ALKBH3: variants seen among roughly 807,000 people sequenced by gnomAD.
ALKBH3 encodes the protein alpha-ketoglutarate-dependent dioxygenase alkB homolog 3.
A neutral mutation model predicts 43.9 loss-of-function variants in ALKBH3; 51 were observed. The observed-to-expected ratio is 1.16, with a 90% CI of 0.93 to 1.47. The LOEUF (loss-of-function observed/expected upper bound fraction) is 1.47. ALKBH3 is among the 40% of genes most tolerant of loss of function. ALKBH3 has a pLI of 0.00. For missense variants in ALKBH3, 361 were observed against 351.9 expected, an observed-to-expected ratio of 1.03 and a Z score of -0.21; for synonymous variants, 102 against 115.2, an observed-to-expected ratio of 0.89 and a Z score of 0.73.
chr11:43,884,125 C>A, intron 4 of ALKBH3, 108 bp downstream of exon 4: 1 of 1,317,440 alleles, frequency 7.6e-7, no homozygotes, highest in South Asian at 1.2e-5. Flanking sequence ...CAATAAGTGT[C>A]TTAACTGTAG....
intron 6 of ALKBH3, among the ~76,000 whole-genome samples, chr11:43,891,200 A>G (rs1311743610): frequency 6.6e-6 from 1 of 152,152 alleles, no homozygotes; most frequent in Non-Finnish European, 1.5e-5. Flanking sequence ...CAACTCCCAC[A>G]GTTTCTGCAG....
chr11:43,909,949 T>C (rs1257961230), intron 8 of ALKBH3: 2 of 152,244 alleles, frequency 1.3e-5, no homozygotes, highest in Admixed American at 6.5e-5. Flanking sequence ...GCTGAAATTA[T>C]CCTCATACCG....
At chr11:43,908,426 G>A (rs1306767965) in intron 8 of ALKBH3, among the ~76,000 whole-genome samples, 27 of 152,238 alleles carry the variant, frequency 1.8e-4, no homozygotes, top group Admixed American at 1.7e-3. Flanking sequence ...ACTTCTGCTA[G>A]TGACTGGGCT....
intron 3 of ALKBH3, among the ~76,000 whole-genome samples, chr11:43,883,437 G>A (rs1019627870): frequency 1.3e-5 from 2 of 152,160 alleles, no homozygotes; most frequent in Admixed American, 1.3e-4. Flanking sequence ...CATAATGAGA[G>A]CTTGCTTGCA....
intron 9 of ALKBH3, 36 bp downstream of exon 9, chr11:43,919,172 G>T: frequency 6.5e-7 from 1 of 1,542,094 alleles, no homozygotes. Flanking sequence ...CTGCTTTCAT[G>T]TGGAGGCAGT....
rs1319165946 is a variant in ALKBH3, at chr11:43,898,082, G to A, written c.460-3434G>A. On this transcript the variant is annotated intron_variant, in intron 7 of 9. Coordinates refer to ENST00000302708, the MANE Select transcript of ALKBH3 (RefSeq NM_139178.4). ...GATGCTGTCCTCAAGGAGGGGCTGA[G>A]TGGCGATGCCCTCAGCAGCCCCAGT... 3.9e-6 allele frequency: 4 copies of A among 1,031,674 alleles called. No individual in the cohort carries two copies. In the Middle Eastern group the frequency reaches 6.2e-4, roughly 159 times the overall value. 63.9% of individuals were successfully genotyped at this position (1,031,674 alleles called of 1,614,324 possible).
chr11:43,919,770 TCTCCA>T, intron 9 of ALKBH3, 143 bp from the exon 10 acceptor site: 1 of 716,834 alleles, frequency 1.4e-6, no homozygotes, highest in South Asian at 1.9e-5. Flanking sequence ...AAGGGACCTT[TCTCCA>T]CAAGACTTCA....
intron 8 of ALKBH3, chr11:43,909,923 T>G (rs1951924755): frequency 1.3e-5 from 2 of 152,214 alleles, no homozygotes; most frequent in African/African-American, 4.8e-5. Flanking sequence ...GCTGTTTCGC[T>G]CCATCCCACC....
At chr11:43,909,143 CTG>C (rs1951918038) in intron 8 of ALKBH3, 1 of 152,212 alleles carries the variant, frequency 6.6e-6, no homozygotes, top group Non-Finnish European at 1.5e-5. Context: ...GACTTAAAAT[CTG>C]TGTTTTTCTA....
intron 8 of ALKBH3, among the ~76,000 whole-genome samples, chr11:43,904,350 G>GT (rs1298949032): frequency 6.6e-6 from 1 of 152,244 alleles, no homozygotes; most frequent in African/African-American, 2.4e-5. Context: ...GTTGACTGTA[G>GT]TAAGTTTTGG....
intron 8 of ALKBH3, among the ~76,000 whole-genome samples, chr11:43,916,155 A>G (rs557370508): frequency 5.9e-5 from 9 of 152,358 alleles, no homozygotes; most frequent in Admixed American, 2.0e-4. Flanking sequence ...TACCTTTCCA[A>G]TGGAAAGAAA....
At chr11:43,883,564 GC>G (rs970837137) in intron 3 of ALKBH3, among the ~76,000 whole-genome samples, 79 of 152,236 alleles carry the variant, frequency 5.2e-4, no homozygotes, top group African/African-American at 1.9e-3. Context: ...CTGATTTTTA[GC>G]CCTTTTTTCC....
intron 8 of ALKBH3, among the ~76,000 whole-genome samples, chr11:43,916,226 A>AT (rs951504493): frequency 2.0e-5 from 3 of 152,170 alleles, no homozygotes; most frequent in African/African-American, 4.8e-5. Flanking sequence ...ATACATCCAG[A>AT]TTTTTTCACC....
chr11:43,916,204 A>G (rs138536845), intron 8 of ALKBH3, among the ~76,000 whole-genome samples: 1 of 152,322 alleles, frequency 6.6e-6, no homozygotes, highest in Non-Finnish European at 1.5e-5. Flanking sequence ...GTTAATAATG[A>G]CATAACAGTA....
chr11:43,884,506 A>T (rs556790381), intron 4 of ALKBH3, among the ~76,000 whole-genome samples: 1 of 151,346 alleles, frequency 6.6e-6, no homozygotes, highest in African/African-American at 2.4e-5. Context: ...TTCTTCTTAT[A>T]TTGATCTGTG....
intron 7 of ALKBH3, chr11:43,897,437 T>C: frequency 1.4e-6 from 1 of 735,840 alleles, no homozygotes. Context: ...TGTGAAAGGA[T>C]TGCTGTTGTA....
intron 7 of ALKBH3, among the ~76,000 whole-genome samples, chr11:43,896,705 C>T (rs1025865157): frequency 1.3e-5 from 2 of 151,956 alleles, no homozygotes; most frequent in Non-Finnish European, 2.9e-5. Flanking sequence ...TCACTTTGAG[C>T]CTGACTTCTT....
rs1327278187 is a variant in ALKBH3, at chr11:43,886,720, T to A, written c.266+67T>A. On this transcript the variant is annotated intron_variant, in intron 5 of 9. Transcript: ENST00000302708. ...GTTATAGTCTCTTAAAATAGTTTAC[T>A]CCCCTAGAGAAAGAAAATGTAGTAC... is the stretch of plus-strand genomic sequence containing the variant. 4 of 1,494,550 alleles carry A rather than the reference T, an allele frequency of 2.7e-6. No homozygotes were observed. In the East Asian group the frequency reaches 9.0e-5, roughly 34 times the overall value. The allele number at this position is 1,494,550 out of a possible 1,614,324, so 92.6% of individuals were successfully genotyped here. A position where few individuals can be genotyped will look rare whatever the true frequency, so the allele number is the denominator to read the frequency against.
At chr11:43,911,468 A>C (rs1002477497) in intron 8 of ALKBH3, among the ~76,000 whole-genome samples, 15 of 152,284 alleles carry the variant, frequency 9.9e-5, no homozygotes, top group African/African-American at 3.6e-4. Flanking sequence ...GAGGCTTCCA[A>C]ATGTTAAGTA....
Sources: allele counts gnomAD v4.1 joint callset (sites outside exome capture counted in the v4.1 genomes callset), GRCh38; gene constraint gnomAD v4.1.1; transcripts MANE v1.5; gene names NCBI Gene and HGNC (gene_info 2026-07-23, HGNC 2026-07-21).